The following PLCE1 variants were observed in gnomAD, a reference collection of about 807,000 sequenced individuals.
The protein encoded by PLCE1 is 1-phosphatidylinositol 4,5-bisphosphate phosphodiesterase epsilon-1.
A neutral mutation model predicts 242.8 loss-of-function variants in PLCE1; 119 were observed. That is an observed-to-expected ratio of 0.49 (90% CI 0.42 to 0.57). PLCE1 has a LOEUF of 0.57. Ranked by LOEUF, PLCE1 falls within the 20% of genes least tolerant of loss-of-function variation. The pLI is 0.00. For synonymous variants in PLCE1, 945 were observed against 1,017.4 expected, an observed-to-expected ratio of 0.93 and a Z score of 1.35; for missense variants, 2,441 against 2,788.8, an observed-to-expected ratio of 0.88 and a Z score of 2.81.
At chr10:94,183,385 C>T (rs943050363) in intron 4 of PLCE1, among the ~76,000 whole-genome samples, 1 of 151,328 alleles carries the variant, frequency 6.6e-6, no homozygotes, top group African/African-American at 2.5e-5. Context: ...AGCTCCTGCC[C>T]CACTGAGCTT....
chr10:94,309,317 CTTTT>C (rs35780786), intron 27 of PLCE1, among the ~76,000 whole-genome samples: 8 of 146,740 alleles, frequency 5.5e-5, no homozygotes, highest in African/African-American at 1.5e-4. Context: ...GCAGAATCTG[CTTTT>C]TTTTTTTTCC....
In PLCE1 at chr10:94,275,612, G is replaced by A. The variant is rs191090558; in HGVS notation, c.4665+1892G>A. On this transcript the variant is annotated intron_variant, in intron 19 of 32. Transcript: ENST00000371380. ...GCACTTTGGGAGGCCGAGGCAGGTC[G>A]ATTGCTTGAATCTAGGAGTTCAAGA... Among the ~76,000 whole-genome samples the A allele has an allele frequency of 3.9e-5, 6 of 152,242 alleles. No individual in the cohort carries two copies. In the East Asian group the frequency reaches 1.2e-3, roughly 29 times the overall value.
intron 4 of PLCE1, among the ~76,000 whole-genome samples, chr10:94,222,858 C>A (rs535010401): frequency 6.6e-6 from 1 of 152,306 alleles, no homozygotes; most frequent in South Asian, 2.1e-4. Context: ...TGCAGACCAG[C>A]AGTGGGCTTG....
chr10:94,175,148 A>G (rs1230935445), intron 4 of PLCE1, among the ~76,000 whole-genome samples: 3 of 152,158 alleles, frequency 2.0e-5, no homozygotes, highest in African/African-American at 4.8e-5. Context: ...TTCAAAGTCT[A>G]TCTCTTCTCA....
Position 94,053,135 on chromosome 10 carries a change from CTCTGGAAGGAG to C in PLCE1, c.1206+20886_1206+20896del, listed in dbSNP as rs1477253025. ...GCCTAGTGAGCAGTTAAGAGCTGGG[CTCTGGAAGGAG>C]TCCCGGCTCCACCGTTAACTAGCAG... On this transcript the variant is annotated intron_variant, in intron 2 of 32. Transcript: ENST00000371380. Among the ~76,000 whole-genome samples the C allele has an allele frequency of 3.3e-5, 5 of 152,292 alleles. No homozygotes were observed. The East Asian group carries it at 9.7e-4, about 29-fold the overall frequency.
At chr10:94,002,533 C>A (rs146887541) in intron 1 of PLCE1, among the ~76,000 whole-genome samples, 1 of 152,270 alleles carries the variant, frequency 6.6e-6, no homozygotes, top group East Asian at 1.9e-4. Flanking sequence ...TTAAAAAAAT[C>A]TTTAATCCAA....
intron 3 of PLCE1, among the ~76,000 whole-genome samples, chr10:94,170,138 T>C (rs2047927475): frequency 6.6e-6 from 1 of 152,188 alleles, no homozygotes; most frequent in Non-Finnish European, 1.5e-5. Flanking sequence ...AAGGAAGTCA[T>C]CCTTACGAAC....
At chr10:94,161,109 T>G (rs927900552) in intron 3 of PLCE1, among the ~76,000 whole-genome samples, 2 of 152,240 alleles carry the variant, frequency 1.3e-5, no homozygotes, top group Admixed American at 1.3e-4. Flanking sequence ...TGGTTCCATA[T>G]GAACTTTAAA....
chr10:94,136,262 T>TA, intron 3 of PLCE1, among the ~76,000 whole-genome samples: 1 of 152,128 alleles, frequency 6.6e-6, no homozygotes, highest in South Asian at 2.1e-4. Context: ...AGTTAGTGTT[T>TA]ACGGGCTATA....
At chr10:94,067,168 C>T (rs149740037) in intron 2 of PLCE1, among the ~76,000 whole-genome samples, 37 of 152,320 alleles carry the variant, frequency 2.4e-4, no homozygotes, top group Non-Finnish European at 4.6e-4. Context: ...TCTCCTTCTT[C>T]TTGATCTCTG....
At chr10:94,155,613 A>G (rs542987339) in intron 3 of PLCE1, 1 of 151,630 alleles carries the variant, frequency 6.6e-6, no homozygotes, top group Non-Finnish European at 1.5e-5. Flanking sequence ...TGAATTGTAC[A>G]CTTTTTTTTT....
intron 2 of PLCE1, among the ~76,000 whole-genome samples, chr10:94,037,975 G>C (rs1206489772): frequency 2.0e-5 from 3 of 152,110 alleles, no homozygotes; most frequent in African/African-American, 7.2e-5. Context: ...GGAATTAGCA[G>C]CTGGAGAGGC....
chr10:94,240,411 T>C (rs1589403276), intron 7 of PLCE1, among the ~76,000 whole-genome samples: 2 of 152,120 alleles, frequency 1.3e-5, no homozygotes, highest in Admixed American at 6.6e-5. Flanking sequence ...CACAGACTAC[T>C]CACATATAAT....
At chr10:94,072,118 A>G (rs1025694951) in intron 2 of PLCE1, among the ~76,000 whole-genome samples, 3 of 152,172 alleles carry the variant, frequency 2.0e-5, no homozygotes, top group African/African-American at 7.2e-5. Flanking sequence ...GAGAGAAGTT[A>G]CTGAGGCTGA....
Position 94,279,612 on chromosome 10 carries a change from T to C in PLCE1, c.4666-170T>C. The C allele has an allele frequency of 7.4e-6, 5 of 679,656 alleles. No homozygotes were observed. The Admixed American group carries it at 1.1e-4, about 15-fold the overall frequency. 42.1% of individuals were successfully genotyped at this position (679,656 alleles called of 1,614,324 possible). On this transcript the variant is annotated intron_variant, in intron 19 of 32. Coordinates refer to ENST00000371380, the MANE Select transcript of PLCE1 (RefSeq NM_016341.4). ...GTAGGAATGCTAACGTTCACCCAAG[T>C]GTTGACATTGCATTTCGAGGGAATC...
chr10:94,316,753 G>T lies in PLCE1; in HGVS notation c.6339G>T (p.Gln2113His), dbSNP rs781410807. 5 of 1,609,702 alleles carry T rather than the reference G, an allele frequency of 3.1e-6. No homozygotes were observed. The highest frequency in any genetic ancestry group is 4.3e-6 in the Non-Finnish European group (5 of 1,176,070). The change falls in exon 29 of 33, where the codon CAG becomes CAT. Residue 2113 changes from glutamine to histidine, a missense_variant. Around this residue, in one of 5 missense-constraint regions of PLCE1, gnomAD observed 310 missense variants for 317.2 expected, o/e 0.98. Coordinates refer to ENST00000371380, the MANE Select transcript of PLCE1 (RefSeq NM_016341.4). The stretch of plus-strand genomic sequence containing the variant: ...GCAGGATTGTCTTAAAAACCCAGCA[G>T]GAAGTAAGTGTGTCTGGGTGCAGCC... The part of the protein sequence containing the change: ...YMGRIVLKTQ[Q>H]ENLEEKNIVQ...
chr10:94,032,192 G>C lies in PLCE1; in HGVS notation c.1146G>C (p.Pro382=), dbSNP rs769644679. Residue 382 remains proline, a synonymous_variant, in exon 2 of 33, where the codon CCG becomes CCC. Transcript: ENST00000371380. ...LLPCGRVMEP[P]STVEIRQDGS... is the part of the protein sequence containing the mutation. The stretch of plus-strand genomic sequence containing the variant: ...CTTGTGGGAGAGTAATGGAACCCCC[G>C]TCAACAGTGGAGATAAGGCAAGATG... The C allele has an allele frequency of 6.2e-7, 1 of 1,612,778 alleles. No homozygotes were observed. Among genetic ancestry groups the C allele is most frequent in the African/African-American group, 1.3e-5 (1 of 74,956 alleles).
rs1365935771 is a variant in PLCE1 at position 94,141,071 on chromosome 10, C to T, written c.1492+8612C>T. Among the ~76,000 whole-genome samples, 5 of 152,282 alleles carry T rather than the reference C, an allele frequency of 3.3e-5. No homozygotes were observed. The East Asian group carries it at 9.7e-4, about 29-fold the overall frequency. On this transcript the variant is annotated intron_variant, in intron 3 of 32. Coordinates refer to ENST00000371380, the MANE Select transcript of PLCE1 (RefSeq NM_016341.4). The stretch of plus-strand genomic sequence containing the variant: ...AGGTCTACTGAAGGAGCCCTTACCA[C>T]CTAAAGAGAATTCATAAAGTGCTAG...
intron 2 of PLCE1, among the ~76,000 whole-genome samples, chr10:94,086,802 C>T (rs1413572677): frequency 6.6e-6 from 1 of 152,192 alleles, no homozygotes; most frequent in African/African-American, 2.4e-5. Flanking sequence ...TATTTGTCCC[C>T]TTGACCAGCT....
Sources: allele counts gnomAD v4.1 joint callset (sites outside exome capture counted in the v4.1 genomes callset), GRCh38; gene constraint gnomAD v4.1.1; regional missense constraint gnomAD v4.1.1; transcripts MANE v1.5; gene names NCBI Gene and HGNC (gene_info 2026-07-23, HGNC 2026-07-21).